Variants in PCDH11X observed in about 807,000 individuals in gnomAD.
PCDH11X encodes protocadherin-11 X-linked.
In PCDH11X, 18 loss-of-function variants were observed where a neutral mutation model predicts 53.3. The observed-to-expected ratio is 0.34, with a 90% CI of 0.23 to 0.50. The LOEUF (loss-of-function observed/expected upper bound fraction) is 0.50, where lower values mean the gene tolerates loss of function less well. PCDH11X is among the 20% of genes least tolerant of loss of function. PCDH11X has a pLI of 0.98. For synonymous variants in PCDH11X, 279 were observed against 393.3 expected, an observed-to-expected ratio of 0.71 and a Z score of 3.44; for missense variants, 570 against 1,032.4, an observed-to-expected ratio of 0.55 and a Z score of 6.14.
chrX:92,235,853 G>T (rs982841656), intron 7 of PCDH11X, among the ~76,000 whole-genome samples: 2 of 110,243 alleles, frequency 1.8e-5, no homozygotes, highest in Non-Finnish European at 3.8e-5. Flanking sequence ...CATCCTTCAC[G>T]TACAGCCCGG....
In PCDH11X at chrX:92,113,201, G is replaced by A. The variant is rs878900529; in HGVS notation, c.3034-88174G>A. On this transcript the variant is annotated intron_variant, in intron 6 of 10. Coordinates refer to ENST00000682573, the MANE Select transcript of PCDH11X (RefSeq NM_032968.5). Reference sequence around the variant, plus strand: ...CTCTCCTGCTGCTCCTCAGCCCCCCGAGATTGAGCCCTGGCTGGGGCTGGG... The same window carrying A: ...CTCTCCTGCTGCTCCTCAGCCCCCCAAGATTGAGCCCTGGCTGGGGCTGGG... The A allele has an allele frequency of 1.4e-5, 16 of 1,150,524 alleles. No homozygotes were observed. In the South Asian group the frequency reaches 2.0e-4, roughly 14 times the overall value. 94.8% of individuals were successfully genotyped at this position (1,150,524 alleles called of 1,213,427 possible). A position where few individuals can be genotyped will look rare whatever the true frequency, so the allele number is the denominator to read the frequency against.
intron 8 of PCDH11X, among the ~76,000 whole-genome samples, chrX:92,337,135 G>A (rs2069640159): frequency 9.3e-6 from 1 of 107,986 alleles, no homozygotes; most frequent in South Asian, 4.0e-4. Flanking sequence ...GGAGATAGCC[G>A]GAACACTGAG....
At position 91,869,444 on chromosome X, in the gene PCDH11X, G is replaced by C. The variant is rs192279689; in HGVS notation, c.541-7337G>C. On this transcript the variant is annotated intron_variant, in intron 5 of 10. Coordinates refer to ENST00000682573, the MANE Select transcript of PCDH11X (RefSeq NM_032968.5). ...AAACCAGCTGTGTGATCACGGGCAA[G>C]TCACCTAACCTTACTGTGTCTTAGT... 4.1e-3 allele frequency among the ~76,000 whole-genome samples: 461 copies of C among 111,409 alleles called. 4 individuals carry two copies. Among genetic ancestry groups the C allele is most frequent in the African/African-American group, 0.015 (449 of 30,799 alleles).
intron 6 of PCDH11X, among the ~76,000 whole-genome samples, chrX:91,972,393 T>C (rs1408164252): frequency 2.2e-5 from 2 of 90,428 alleles, no homozygotes; most frequent in African/African-American, 4.1e-5. Flanking sequence ...TCCCATTTTG[T>C]AGGTTGCCTG....
rs185499814 is a variant in PCDH11X at position 91,932,632 on chromosome X, A to G, written c.3033+53359A>G. ...ACAAGAGAAGAGAGGGAAGAGAGGTATGAAGAAGTGGGCATGGTGTATGTG... is the reference window on the plus strand; with the variant it reads ...ACAAGAGAAGAGAGGGAAGAGAGGTGTGAAGAAGTGGGCATGGTGTATGTG... On this transcript the variant is annotated intron_variant, in intron 6 of 10. Transcript: ENST00000682573. Among the ~76,000 whole-genome samples the G allele has an allele frequency of 7.2e-3, 714 of 99,106 alleles. 10 individuals are homozygous for G. The highest frequency in any genetic ancestry group is 0.025 in the African/African-American group (680 of 27,369). 86.1% of individuals were successfully genotyped at this position (99,106 alleles called of 115,157 possible). A position where few individuals can be genotyped will look rare whatever the true frequency, so the allele number is the denominator to read the frequency against.
At chrX:91,929,033 A>G (rs1942037351) in intron 6 of PCDH11X, among the ~76,000 whole-genome samples, 1 of 111,009 alleles carries the variant, frequency 9.0e-6, no homozygotes. Flanking sequence ...AGAGACCTTA[A>G]CAACTGTAAC....
rs1213648365 is a variant in PCDH11X at position 92,621,342 on chromosome X, T to C, written c.*2402T>C. ...CTAGGGAGGTTCTTAAATCCTCATA[T>C]CTGGAAACTTGTGACGTTTTGACAC... On this transcript the variant is annotated 3_prime_UTR_variant, in exon 11 of 11. Transcript: ENST00000682573. 1 of 109,791 alleles carries C rather than the reference T, an allele frequency of 9.1e-6. No homozygotes were observed. The highest frequency in any genetic ancestry group is 3.3e-5 in the African/African-American group (1 of 29,979). The allele number at this position is 109,791 out of a possible 1,213,427, so 9.0% of individuals were successfully genotyped here. A position where few individuals can be genotyped will look rare whatever the true frequency, so the allele number is the denominator to read the frequency against.
intron 1 of PCDH11X, among the ~76,000 whole-genome samples, chrX:91,808,058 C>G (rs1936176234): frequency 9.0e-6 from 1 of 111,141 alleles, no homozygotes; most frequent in Non-Finnish European, 1.9e-5. Flanking sequence ...AAACATTATT[C>G]AATTCTTCCT....
At chrX:92,534,304 G>A (rs1325406496) in intron 10 of PCDH11X, among the ~76,000 whole-genome samples, 1 of 111,277 alleles carries the variant, frequency 9.0e-6, no homozygotes, top group Non-Finnish European at 1.9e-5. Context: ...AAGGGTATTA[G>A]TGATTGAAGA....
chrX:92,549,301 G>A (rs1399072635), intron 10 of PCDH11X, among the ~76,000 whole-genome samples: 8 of 105,505 alleles, frequency 7.6e-5, no homozygotes, highest in East Asian at 3.0e-4. Flanking sequence ...TTATAATTTC[G>A]TCTTGAACAT....
intron 10 of PCDH11X, among the ~76,000 whole-genome samples, chrX:92,511,920 C>A (rs1329118943): frequency 9.3e-6 from 1 of 107,620 alleles, no homozygotes; most frequent in East Asian, 2.9e-4. Flanking sequence ...GCAAACTTAG[C>A]AGAAATTCAA....
intron 10 of PCDH11X, among the ~76,000 whole-genome samples, chrX:92,613,696 C>A (rs1927657816): frequency 9.1e-6 from 1 of 109,611 alleles, no homozygotes; most frequent in Non-Finnish European, 1.9e-5. Context: ...CTAGCAAGAT[C>A]AGAGAACTTT....
At chrX:91,881,275 G>T (rs1380711839) in intron 6 of PCDH11X, among the ~76,000 whole-genome samples, 1 of 110,357 alleles carries the variant, frequency 9.1e-6, no homozygotes, top group East Asian at 2.8e-4. Flanking sequence ...TTTCCATGAC[G>T]CATTTTATAT....
chrX:92,140,539 G>A (rs935021408), intron 6 of PCDH11X, among the ~76,000 whole-genome samples: 4 of 111,693 alleles, frequency 3.6e-5, no homozygotes, highest in African/African-American at 1.3e-4. Flanking sequence ...AGTTATGATT[G>A]TGCTTTTGTC....
intron 10 of PCDH11X, among the ~76,000 whole-genome samples, chrX:92,539,101 G>A (rs1190552936): frequency 1.8e-5 from 2 of 109,592 alleles, no homozygotes; most frequent in Non-Finnish European, 3.8e-5. Flanking sequence ...AAATCTGCAT[G>A]GTGTTTTGTA....
chrX:92,569,038 G>A (rs756434473), intron 10 of PCDH11X, among the ~76,000 whole-genome samples: 1 of 111,085 alleles, frequency 9.0e-6, no homozygotes, highest in African/African-American at 3.3e-5. Context: ...TTATATTTCT[G>A]GTTCATTATT....
intron 10 of PCDH11X, among the ~76,000 whole-genome samples, chrX:92,598,978 AAAAATT>A (rs1269595611): frequency 9.0e-6 from 1 of 110,746 alleles, no homozygotes; most frequent in African/African-American, 3.3e-5. Context: ...TGTGAGATCT[AAAAATT>A]AAAACAATTG....
chrX:92,277,983 G>A (rs1223977956), intron 8 of PCDH11X, among the ~76,000 whole-genome samples: 1 of 111,886 alleles, frequency 8.9e-6, no homozygotes, highest in Non-Finnish European at 1.9e-5. Flanking sequence ...TGAATAATCA[G>A]AGAGGCGTCC....
At chrX:92,492,468 A>AT (rs1417726619) in intron 10 of PCDH11X, among the ~76,000 whole-genome samples, 1 of 112,300 alleles carries the variant, frequency 8.9e-6, no homozygotes, top group Non-Finnish European at 1.9e-5. Flanking sequence ...TTCTATGCAC[A>AT]TTTTTTATGT....
Sources: gnomAD v4.1 joint callset for allele counts (sites outside exome capture counted in the v4.1 genomes callset) on GRCh38, gnomAD v4.1.1 for gene constraint, MANE v1.5 for transcripts, NCBI Gene and HGNC (gene_info 2026-07-23, HGNC 2026-07-21) for gene names.